Variants in PDZRN4 observed in about 807,000 individuals in gnomAD.
PDZRN4 encodes PDZ domain containing ring finger 4.
In PDZRN4, 70 loss-of-function variants were observed where a neutral mutation model predicts 99.0. That is an observed-to-expected ratio of 0.71 (90% CI 0.58 to 0.86). PDZRN4 has a LOEUF of 0.86. Ranked by LOEUF, PDZRN4 falls within the 40% of genes least tolerant of loss-of-function variation. PDZRN4 has a pLI of 0.00. For missense variants in PDZRN4, 1,474 were observed against 1,331.2 expected, an observed-to-expected ratio of 1.11 and a Z score of -1.67; for synonymous variants, 551 against 501.6, an observed-to-expected ratio of 1.10 and a Z score of -1.32.
At chr12:41,285,622 A>G (rs184970469) in intron 3 of PDZRN4, among the ~76,000 whole-genome samples, 9 of 152,344 alleles carry the variant, frequency 5.9e-5, no homozygotes, top group Admixed American at 5.2e-4. Context: ...CATCAACGTT[A>G]GACTGGACAA....
chr12:41,536,761 T>TAAAAAAAAAAAAAAAAA (rs59008796), intron 5 of PDZRN4, among the ~76,000 whole-genome samples: 2 of 137,360 alleles, frequency 1.5e-5, no homozygotes, highest in African/African-American at 5.5e-5. Context: ...TATTGAAAAG[T>TAAAAAAAAAAAAAAAAA]AAAAAAAAAA....
At chr12:41,537,401 T>G (rs1287065406) in intron 5 of PDZRN4, among the ~76,000 whole-genome samples, 2 of 152,178 alleles carry the variant, frequency 1.3e-5, no homozygotes, top group Non-Finnish European at 2.9e-5. Context: ...CACTAAATCT[T>G]GAATCATAGG....
At chr12:41,437,856 T>G (rs1450838128) in intron 3 of PDZRN4, 1 of 1,608,992 alleles carries the variant, frequency 6.2e-7, no homozygotes, top group African/African-American at 1.3e-5. Context: ...AAAACAGTAG[T>G]CAAGTCTGGA....
chr12:41,336,629 C>T (rs1951776889), intron 3 of PDZRN4, among the ~76,000 whole-genome samples: 1 of 152,080 alleles, frequency 6.6e-6, no homozygotes, highest in Non-Finnish European at 1.5e-5. Context: ...GTAATTCACG[C>T]AGAGTGGGCT....
intron 3 of PDZRN4, among the ~76,000 whole-genome samples, chr12:41,416,632 G>A (rs1222399101): frequency 1.3e-5 from 2 of 152,146 alleles, no homozygotes; most frequent in Non-Finnish European, 2.9e-5. Context: ...ACTCCAGCCT[G>A]GGCAACAACA....
intron 3 of PDZRN4, among the ~76,000 whole-genome samples, chr12:41,393,944 A>T (rs961811506): frequency 6.6e-6 from 1 of 152,218 alleles, no homozygotes; most frequent in African/African-American, 2.4e-5. Context: ...GTAGAGGAAT[A>T]TCTTACATGG....
chr12:41,293,671 C>G (rs1373058750), intron 3 of PDZRN4, among the ~76,000 whole-genome samples: 3 of 152,112 alleles, frequency 2.0e-5, no homozygotes, highest in Non-Finnish European at 2.9e-5. Context: ...GGAAATCACC[C>G]TGGAAATTAC....
chr12:41,556,688 G>C (rs1429183784), intron 7 of PDZRN4, among the ~76,000 whole-genome samples: 2 of 152,208 alleles, frequency 1.3e-5, no homozygotes, highest in African/African-American at 4.8e-5. Context: ...TGGAAACATA[G>C]AGACTGATTA....
intron 3 of PDZRN4, among the ~76,000 whole-genome samples, chr12:41,234,014 G>A (rs970710364): frequency 7.9e-5 from 12 of 151,662 alleles, no homozygotes; most frequent in African/African-American, 2.2e-4. Context: ...ATTGGCCCCC[G>A]TCAGAAAGCA....
intron 3 of PDZRN4, among the ~76,000 whole-genome samples, chr12:41,464,965 C>T (rs1025001845): frequency 2.0e-5 from 3 of 151,746 alleles, no homozygotes; most frequent in African/African-American, 2.4e-5. Flanking sequence ...GCTGGGATTA[C>T]GAGTGCCTGT....
chr12:41,443,346 G>A, intron 3 of PDZRN4, among the ~76,000 whole-genome samples: 1 of 152,060 alleles, frequency 6.6e-6, no homozygotes, highest in Non-Finnish European at 1.5e-5. Context: ...AAAGCCAGTG[G>A]AAGTGGTAAA....
chr12:41,295,466 G>A (rs1213168297), intron 3 of PDZRN4, among the ~76,000 whole-genome samples: 1 of 151,692 alleles, frequency 6.6e-6, no homozygotes, highest in Non-Finnish European at 1.5e-5. Context: ...ACAAAAGAAA[G>A]GTAATTAGGA....
chr12:41,233,294 G>T, intron 3 of PDZRN4, among the ~76,000 whole-genome samples: 1 of 152,120 alleles, frequency 6.6e-6, no homozygotes, highest in Non-Finnish European at 1.5e-5. Flanking sequence ...AACAACAGGT[G>T]CTGGAGAGGA....
At chr12:41,530,131 A>T (rs1301411879) in intron 5 of PDZRN4, among the ~76,000 whole-genome samples, 1 of 152,354 alleles carries the variant, frequency 6.6e-6, no homozygotes, top group African/African-American at 2.4e-5. Context: ...AGTGATAAAT[A>T]CTATGCTACA....
At chr12:41,413,742 A>T (rs535158912) in intron 3 of PDZRN4, among the ~76,000 whole-genome samples, 3 of 152,256 alleles carry the variant, frequency 2.0e-5, no homozygotes, top group Admixed American at 2.0e-4. Flanking sequence ...GACAGCAGAT[A>T]GCTATGTCTT....
chr12:41,384,620 C>T (rs1325811221), intron 3 of PDZRN4, among the ~76,000 whole-genome samples: 1 of 152,130 alleles, frequency 6.6e-6, no homozygotes, highest in Non-Finnish European at 1.5e-5. Context: ...TGTGAGTATA[C>T]TATAACTGTT....
chr12:41,391,540 A>T (rs1952211556), intron 3 of PDZRN4, among the ~76,000 whole-genome samples: 1 of 152,184 alleles, frequency 6.6e-6, no homozygotes, highest in South Asian at 2.1e-4. Flanking sequence ...GAGCCACCTT[A>T]CTTACTGAGG....
At chr12:41,345,468 A>G (rs577321342) in intron 3 of PDZRN4, among the ~76,000 whole-genome samples, 1 of 152,298 alleles carries the variant, frequency 6.6e-6, no homozygotes, top group South Asian at 2.1e-4. Context: ...AAGGGCTGAA[A>G]ACAGACATTG....
At chr12:41,330,614 A>G (rs1951736406) in intron 3 of PDZRN4, among the ~76,000 whole-genome samples, 2 of 152,050 alleles carry the variant, frequency 1.3e-5, no homozygotes, top group Admixed American at 6.6e-5. Context: ...ATATGCTGGA[A>G]TAAGCTTCTA....
Sources: gnomAD v4.1 joint callset for allele counts (sites outside exome capture counted in the v4.1 genomes callset) on GRCh38, gnomAD v4.1.1 for gene constraint, MANE v1.5 for transcripts, NCBI Gene and HGNC (gene_info 2026-07-23, HGNC 2026-07-21) for gene names.